FBXO16: variants seen among roughly 807,000 people sequenced by gnomAD.
The protein encoded by FBXO16 is F-box protein 16.
Under a neutral mutation model 41.0 loss-of-function variants are expected in FBXO16, and 31 were observed. The observed-to-expected ratio is 0.76, with a 90% CI of 0.57 to 1.02. The LOEUF is 1.02. Among genes scored for constraint, FBXO16 ranks in the 50% least tolerant of loss-of-function variants. FBXO16 has a pLI of 0.00. For synonymous variants in FBXO16, 133 were observed against 117.8 expected, an observed-to-expected ratio of 1.13 and a Z score of -0.84; for missense variants, 361 against 346.2, an observed-to-expected ratio of 1.04 and a Z score of -0.34.
chr8:28,477,918 C>T (rs538860841), intron 2 of FBXO16, among the ~76,000 whole-genome samples: 1 of 152,218 alleles, frequency 6.6e-6, no homozygotes, highest in Admixed American at 6.5e-5. Context: ...GGGAATGAGA[C>T]AGGAAGATAG....
chr8:28,452,494 A>C lies in FBXO16; in HGVS notation c.508-18T>G. On this transcript the variant is annotated intron_variant, in intron 5 of 8. Transcript: ENST00000380254. ...GGGGGTGTCTAGAAGAAGAAAGTTA[A>C]TTATGTTCTCAAAACACTATAATAC... The C allele has an allele frequency of 6.2e-7, 1 of 1,611,314 alleles. No homozygotes were observed. Among genetic ancestry groups the C allele is most frequent in the South Asian group, 1.1e-5 (1 of 90,980 alleles).
chr8:28,458,498 AGAAAAGT>A (rs1165745696), intron 4 of FBXO16, among the ~76,000 whole-genome samples: 2 of 149,534 alleles, frequency 1.3e-5, no homozygotes, highest in Non-Finnish European at 3.0e-5. Flanking sequence ...GGGAAGGGGG[AGAAAAGT>A]CTCTCAATTC....
chr8:28,490,141 AAGAG>A (rs1174650353), intron 1 of FBXO16, 41 bp downstream of exon 1: 1 of 152,142 alleles, frequency 6.6e-6, no homozygotes, highest in Non-Finnish European at 1.5e-5. Context: ...GAGCTTTCCA[AAGAG>A]AGAGTCTCCA....
At chr8:28,458,174 T>C (rs1803066866) in intron 4 of FBXO16, among the ~76,000 whole-genome samples, 2 of 152,224 alleles carry the variant, frequency 1.3e-5, no homozygotes, top group South Asian at 4.1e-4. Flanking sequence ...GTAATGGCCC[T>C]TGCTATCCAT....
rs538087065 is a variant in FBXO16, at chr8:28,433,077, A to C, written c.844-3674T>G. Among the ~76,000 whole-genome samples the C allele has an allele frequency of 5.0e-3, 711 of 141,592 alleles. 5 individuals are homozygous for C. The highest frequency in any genetic ancestry group is 0.018 in the African/African-American group (642 of 35,568). 92.9% of individuals were successfully genotyped at this position (141,592 alleles called of 152,430 possible). ...CTTCGTCCAAAAAAAAAAAAAACAA[A>C]CAAAAAACAAACAAACAAACAAAAC... On this transcript the variant is annotated intron_variant, in intron 7 of 8. Coordinates refer to ENST00000380254, the MANE Select transcript of FBXO16 (RefSeq NM_172366.4).
intron 3 of FBXO16, among the ~76,000 whole-genome samples, chr8:28,464,893 C>G (rs1049729255): frequency 2.0e-5 from 3 of 152,136 alleles, no homozygotes; most frequent in Non-Finnish European, 1.5e-5. Flanking sequence ...ACCTCGTGAT[C>G]CACCCACCTT....
In FBXO16 at chr8:28,488,468, T is replaced by A. The variant is rs1206867335; in HGVS notation, c.-17+1718A>T. Among the ~76,000 whole-genome samples, 2 of 151,670 alleles carry A rather than the reference T, an allele frequency of 1.3e-5. 1 individual carries two copies. Among genetic ancestry groups the A allele is most frequent in the Non-Finnish European group, 2.9e-5 (2 of 67,908 alleles). On this transcript the variant is annotated intron_variant, in intron 1 of 8. Transcript: ENST00000380254. ...GCACCACCACACCTGGCTAATTTTT[T>A]TTTTTTTGTATTTTTTGTAGAGATA...
chr8:28,476,566 A>G (rs957064865), intron 2 of FBXO16, among the ~76,000 whole-genome samples: 7 of 152,228 alleles, frequency 4.6e-5, no homozygotes, highest in African/African-American at 1.4e-4. Context: ...TGGAAATATT[A>G]AAATGGATCT....
At chr8:28,470,685 G>A (rs1399403201) in intron 3 of FBXO16, among the ~76,000 whole-genome samples, 1 of 152,128 alleles carries the variant, frequency 6.6e-6, no homozygotes, top group Non-Finnish European at 1.5e-5. Context: ...TCATTTGCAT[G>A]TCTCTGATTT....
chr8:28,474,352 A>AAAAAGAG (rs1563368937), intron 2 of FBXO16, among the ~76,000 whole-genome samples: 1 of 127,918 alleles, frequency 7.8e-6, no homozygotes, highest in African/African-American at 3.0e-5. Flanking sequence ...AAAAAAAAAA[A>AAAAAGAG]AGAGAGAGAA....
chr8:28,464,081 C>T (rs1387010507), intron 3 of FBXO16, among the ~76,000 whole-genome samples: 1 of 152,156 alleles, frequency 6.6e-6, no homozygotes, highest in Non-Finnish European at 1.5e-5. Context: ...AAATTGGGAG[C>T]TGGCCATATT....
intron 7 of FBXO16, among the ~76,000 whole-genome samples, chr8:28,438,720 C>A (rs924183): frequency 0.12 from 17,604 of 152,238 alleles, 1,501 homozygotes; most frequent in East Asian, 0.32. Flanking sequence ...AGAGGTTACA[C>A]AACTTGGCCA....
At chr8:28,463,254 G>A (rs1364012569) in intron 4 of FBXO16, among the ~76,000 whole-genome samples, 1 of 151,500 alleles carries the variant, frequency 6.6e-6, no homozygotes, top group Non-Finnish European at 1.5e-5. Flanking sequence ...ACGTTTGTGT[G>A]TTTGTGCGTG....
intron 4 of FBXO16, among the ~76,000 whole-genome samples, chr8:28,460,246 T>TATATATATATATATATATATATA (rs58128827): frequency 1.0e-4 from 7 of 66,674 alleles, no homozygotes; most frequent in African/African-American, 5.5e-4. Context: ...TATATATATA[T>TATATATATATATATATATATATA]TTTTTTTTTT....
At chr8:28,488,935 ACT>A (rs910754849) in intron 1 of FBXO16, among the ~76,000 whole-genome samples, 1 of 151,790 alleles carries the variant, frequency 6.6e-6, no homozygotes, top group African/African-American at 2.4e-5. Context: ...GTGCCACACA[ACT>A]CTGATGATTC....
At chr8:28,434,338 C>T (rs1802655671) in intron 7 of FBXO16, among the ~76,000 whole-genome samples, 1 of 152,144 alleles carries the variant, frequency 6.6e-6, no homozygotes, top group Non-Finnish European at 1.5e-5. Flanking sequence ...CAAACAACAC[C>T]ATTGGATCAA....
chr8:28,468,141 C>T (rs1016387533), intron 3 of FBXO16, among the ~76,000 whole-genome samples: 3 of 152,190 alleles, frequency 2.0e-5, no homozygotes, highest in Non-Finnish European at 2.9e-5. Flanking sequence ...CAAAAATACC[C>T]CTAACTGAGT....
intron 6 of FBXO16, among the ~76,000 whole-genome samples, chr8:28,451,209 A>T (rs924631015): frequency 2.0e-5 from 3 of 152,186 alleles, no homozygotes; most frequent in African/African-American, 7.2e-5. Context: ...ATCTCTGGGG[A>T]GAGCTGAAGA....
intron 7 of FBXO16, among the ~76,000 whole-genome samples, chr8:28,446,176 C>CTTTTTTTTTTTTTTTTTTTT (rs11421643): frequency 1.2e-5 from 1 of 83,080 alleles, no homozygotes; most frequent in Non-Finnish European, 2.2e-5. Flanking sequence ...TGCATTTTTC[C>CTTTTTTTTTTTTTTTTTTTT]TTTTTTTTTT....
Sources: gnomAD v4.1 joint callset for allele counts (sites outside exome capture counted in the v4.1 genomes callset) on GRCh38, gnomAD v4.1.1 for gene constraint, MANE v1.5 for transcripts, NCBI Gene and HGNC (gene_info 2026-07-23, HGNC 2026-07-21) for gene names.